The following SORBS2 variants were observed in gnomAD, a reference collection of about 807,000 sequenced individuals.
The protein encoded by SORBS2 is sorbin and SH3 domain-containing protein 2.
SORBS2 carries 46 observed loss-of-function variants against 97.7 expected under a neutral mutation model. The observed-to-expected ratio is 0.47, with a 90% CI of 0.37 to 0.60. SORBS2 has a LOEUF of 0.60. Among genes scored for constraint, SORBS2 ranks in the 20% least tolerant of loss-of-function variants. The pLI is 0.00. For synonymous variants in SORBS2, 476 were observed against 473.4 expected (o/e 1.01, Z -0.07); for missense variants, 1,316 against 1,282.3 (o/e 1.03, Z -0.40).
chr4:185,662,045 T>G (rs1293289050), intron 5 of SORBS2, 59 bp downstream of exon 8: 1 of 1,590,238 alleles, frequency 6.3e-7, no homozygotes, highest in Non-Finnish European at 8.6e-7. Flanking sequence ...ATCTTTCTCC[T>G]GTGGTTGTAC....
At chr4:185,648,411 C>T (rs140166499) in intron 3 of SORBS2, among the ~76,000 whole-genome samples, 20 of 151,650 alleles carry the variant, frequency 1.3e-4, no homozygotes, top group African/African-American at 2.4e-4. Flanking sequence ...TGCTTGAACC[C>T]GGGAGTCGGA....
At chr4:185,891,688 A>AT (rs1276347675) in intron 1 of SORBS2, among the ~76,000 whole-genome samples, 1 of 152,108 alleles carries the variant, frequency 6.6e-6, no homozygotes, top group African/African-American at 2.4e-5. Flanking sequence ...TAGTCTCCAA[A>AT]TTTTGGCAGA....
intron 1 of SORBS2, among the ~76,000 whole-genome samples, chr4:185,814,388 A>C (rs1341277031): frequency 1.3e-5 from 2 of 151,734 alleles, no homozygotes; most frequent in Admixed American, 1.3e-4. Flanking sequence ...AAACAAACAA[A>C]CAATTAGCCA....
chr4:185,868,737 C>T (rs1018187494), intron 1 of SORBS2, among the ~76,000 whole-genome samples: 3 of 152,084 alleles, frequency 2.0e-5, no homozygotes, highest in Admixed American at 6.5e-5. Context: ...GTGACAGGGA[C>T]GCTGTCTCCA....
At chr4:185,806,443 T>G (rs1270777350) in intron 1 of SORBS2, among the ~76,000 whole-genome samples, 25 of 474 alleles carry the variant, frequency 0.053, 2 homozygotes, top group Non-Finnish European at 0.21. Flanking sequence ...CCTATTTTTT[T>G]TTTTTTTTTT....
At chr4:185,837,569 T>C (rs1235884315) in intron 1 of SORBS2, among the ~76,000 whole-genome samples, 1 of 152,214 alleles carries the variant, frequency 6.6e-6, no homozygotes, top group African/African-American at 2.4e-5. Context: ...CGGAAGTGGC[T>C]TTTGTTCTAA....
chr4:185,710,291 T>C (rs1417768740), intron 2 of SORBS2, among the ~76,000 whole-genome samples: 1 of 152,246 alleles, frequency 6.6e-6, no homozygotes, highest in Non-Finnish European at 1.5e-5. Flanking sequence ...TCCTTCAGTC[T>C]TGACGCCTGG....
intron 3 of SORBS2, among the ~76,000 whole-genome samples, chr4:185,648,909 A>G (rs1412894904): frequency 6.6e-6 from 1 of 152,230 alleles, no homozygotes; most frequent in Non-Finnish European, 1.5e-5. Flanking sequence ...ATTAGTCATA[A>G]TCCCAGTAAA....
chr4:185,844,755 T>C (rs116085957), intron 1 of SORBS2, among the ~76,000 whole-genome samples: 313 of 152,298 alleles, frequency 2.1e-3, no homozygotes, highest in African/African-American at 7.0e-3. Flanking sequence ...TATTCATACA[T>C]TGAAATATTA....
chr4:185,820,257 T>C (rs1293697143), intron 1 of SORBS2, among the ~76,000 whole-genome samples: 1 of 152,174 alleles, frequency 6.6e-6, no homozygotes, highest in Non-Finnish European at 1.5e-5. Context: ...CAGTGGGAAC[T>C]TATCGCAGGC....
At chr4:185,794,731 G>A (rs973134175) in intron 1 of SORBS2, among the ~76,000 whole-genome samples, 7 of 152,052 alleles carry the variant, frequency 4.6e-5, no homozygotes, top group African/African-American at 4.8e-5. Flanking sequence ...CTGGGGACTC[G>A]GTGGTTCCCC....
chr4:185,701,937 A>T lies in SORBS2; in HGVS notation c.-197-23115T>A, dbSNP rs562323985. ...AGGCACGTGCCAGCACGCCCAGCTAATTTTTTGTATTTTAGTAGAGACGGG... is the reference window on the plus strand; with the variant it reads ...AGGCACGTGCCAGCACGCCCAGCTATTTTTTTGTATTTTAGTAGAGACGGG... On this transcript the variant is annotated intron_variant, in intron 2 of 20. Coordinates refer to the SORBS2 transcript ENST00000284776. 1.4e-3 allele frequency among the ~76,000 whole-genome samples: 211 copies of T among 152,038 alleles called. 1 individual carries two copies. Among genetic ancestry groups the T allele is most frequent in the African/African-American group, 4.8e-3 (198 of 41,468 alleles).
At chr4:185,692,309 C>A (rs1474025253) in intron 2 of SORBS2, among the ~76,000 whole-genome samples, 1 of 152,192 alleles carries the variant, frequency 6.6e-6, no homozygotes, top group Non-Finnish European at 1.5e-5. Context: ...ACTGCAACAT[C>A]CGAACATTTT....
At chr4:185,869,683 T>C (rs1032387824) in intron 1 of SORBS2, among the ~76,000 whole-genome samples, 1 of 152,244 alleles carries the variant, frequency 6.6e-6, no homozygotes, top group African/African-American at 2.4e-5. Flanking sequence ...TGGGGTTCTC[T>C]TACTAAGAAA....
intron 1 of SORBS2, among the ~76,000 whole-genome samples, chr4:185,807,012 G>A (rs2099159787): frequency 6.6e-6 from 1 of 152,102 alleles, no homozygotes; most frequent in African/African-American, 2.4e-5. Context: ...TTCATTATAA[G>A]ACTTGTAATT....
intron 4 of SORBS2, chr4:185,666,056 C>T (rs2097592020): frequency 7.8e-7 from 1 of 1,289,754 alleles, no homozygotes; most frequent in African/African-American, 1.5e-5. Context: ...CTGAGTGATG[C>T]TGAGCTGGTG....
chr4:185,745,274 G>A (rs980628250), intron 2 of SORBS2, among the ~76,000 whole-genome samples: 2 of 152,168 alleles, frequency 1.3e-5, no homozygotes, highest in African/African-American at 4.8e-5. Context: ...GCCGGTGGTA[G>A]GGGAGCACCA....
chr4:185,796,068 A>AT (rs958999866), intron 1 of SORBS2, among the ~76,000 whole-genome samples: 30 of 151,698 alleles, frequency 2.0e-4, no homozygotes, highest in African/African-American at 5.6e-4. Context: ...AAATTCCCTT[A>AT]TTTTTTTTAA....
chr4:185,882,750 A>G (rs1278108919), intron 1 of SORBS2, among the ~76,000 whole-genome samples: 2 of 152,198 alleles, frequency 1.3e-5, no homozygotes, highest in Non-Finnish European at 2.9e-5. Flanking sequence ...CACAGGCCAA[A>G]AGAACAGGAT....
Sources: gnomAD v4.1 joint callset for allele counts (sites outside exome capture counted in the v4.1 genomes callset) on GRCh38, gnomAD v4.1.1 for gene constraint, MANE v1.5 for transcripts, NCBI Gene and HGNC (gene_info 2026-07-23, HGNC 2026-07-21) for gene names.